Variants in MARVELD2 observed in about 807,000 individuals in gnomAD.
The protein encoded by MARVELD2 is MARVEL domain containing 2.
A neutral mutation model predicts 57.6 loss-of-function variants in MARVELD2; 49 were observed. The observed-to-expected ratio is 0.85, with a 90% CI of 0.68 to 1.08. The LOEUF (loss-of-function observed/expected upper bound fraction) is 1.08. MARVELD2 is among the 50% of genes least tolerant of loss of function. The pLI is 0.00. For missense variants in MARVELD2, 606 were observed against 701.1 expected (o/e 0.86, Z 1.53); for synonymous variants, 238 against 258.8 (o/e 0.92, Z 0.77).
intron 3 of MARVELD2, among the ~76,000 whole-genome samples, chr5:69,431,795 C>T (rs1766970141): frequency 6.6e-6 from 1 of 150,494 alleles, no homozygotes; most frequent in Non-Finnish European, 1.5e-5. Flanking sequence ...CACTTTTCTT[C>T]CTCCTGTCTT....
chr5:69,422,483 G>A (rs1766659815), intron 2 of MARVELD2, among the ~76,000 whole-genome samples: 1 of 152,124 alleles, frequency 6.6e-6, no homozygotes, highest in Non-Finnish European at 1.5e-5. Context: ...GTGCTCCCAG[G>A]CTTATTAGGA....
At chr5:69,433,902 A>G (rs1561300515) in intron 5 of MARVELD2, among the ~76,000 whole-genome samples, 3 of 151,620 alleles carry the variant, frequency 2.0e-5, no homozygotes. Flanking sequence ...ATTATTAAAC[A>G]GTATTTCTTC....
chr5:69,437,099 G>A (rs990636128), intron 5 of MARVELD2, among the ~76,000 whole-genome samples: 1 of 150,960 alleles, frequency 6.6e-6, no homozygotes, highest in Non-Finnish European at 1.5e-5. Flanking sequence ...AGAGACAAGA[G>A]AATTGCTTGA....
At chr5:69,417,682 A>G (rs112114257) in intron 1 of MARVELD2, among the ~76,000 whole-genome samples, 48 of 152,026 alleles carry the variant, frequency 3.2e-4, no homozygotes, top group African/African-American at 1.1e-3. Flanking sequence ...GGTGGCTCAC[A>G]CCTGTAATCC....
chr5:69,432,782 G>C lies in MARVELD2; in HGVS notation c.1331+107G>C, dbSNP rs1767005867. On this transcript the variant is annotated intron_variant, in intron 4 of 6. Coordinates refer to ENST00000325631, the MANE Select transcript of MARVELD2 (RefSeq NM_001038603.3). ...GTTAATACTCTGTGCTTAAAATCGT[G>C]TATGTAAATAGTTGTTATCTGAGAG... 1.4e-5 allele frequency: 22 copies of C among 1,568,174 alleles called. No homozygotes were observed. In the Admixed American group the frequency reaches 3.7e-4, roughly 26 times the overall value.
Position 69,425,185 on chromosome 5 carries a change from A to G in MARVELD2, c.1182+549A>G, listed in dbSNP as rs367983348. Among the ~76,000 whole-genome samples the G allele has an allele frequency of 3.5e-5, 5 of 144,452 alleles. No homozygotes were observed. The East Asian group carries it at 1.0e-3, about 30-fold the overall frequency. 94.8% of individuals were successfully genotyped at this position (144,452 alleles called of 152,430 possible). ...CACATATTCTCACTCATAGGTGGGA[A>G]TTGAACAATGAGATCACATGGACAC... On this transcript the variant is annotated intron_variant, in intron 3 of 6. Coordinates refer to ENST00000325631, the MANE Select transcript of MARVELD2 (RefSeq NM_001038603.3).
chr5:69,432,118 C>G (rs530189162), intron 3 of MARVELD2, among the ~76,000 whole-genome samples: 6 of 152,014 alleles, frequency 3.9e-5, no homozygotes, highest in Non-Finnish European at 8.8e-5. Flanking sequence ...CCAAGTGATT[C>G]TCCTGCCTCA....
rs1400296175 is a variant in MARVELD2 at position 69,435,432 on chromosome 5, T to G, written c.1503+2339T>G. ...GTTTTGCAATCAGCACCACTCAAATTCCACAACAGTTTTATCACCCCAAAA... is the reference window on the plus strand; with the variant it reads ...GTTTTGCAATCAGCACCACTCAAATGCCACAACAGTTTTATCACCCCAAAA... On this transcript the variant is annotated intron_variant, in intron 5 of 6. Transcript: ENST00000325631. Among the ~76,000 whole-genome samples the G allele has an allele frequency of 6.6e-5, 10 of 152,008 alleles. No homozygotes were observed. The East Asian group carries it at 1.7e-3, about 26-fold the overall frequency.
intron 3 of MARVELD2, among the ~76,000 whole-genome samples, chr5:69,429,601 G>A (rs770753687): frequency 1.9e-4 from 29 of 152,102 alleles, no homozygotes; most frequent in Non-Finnish European, 4.1e-4. Context: ...CACTTCTAGT[G>A]TGCTACTAGA....
Position 69,419,825 on chromosome 5 carries a change from G to A in MARVELD2, c.440G>A (p.Arg147Gln), listed in dbSNP as rs143318841. The A allele has an allele frequency of 2.6e-5, 42 of 1,614,134 alleles. 1 individual carries two copies. In the Middle Eastern group the frequency reaches 6.6e-4, roughly 25 times the overall value. ...YGGSEGTFSS[R>Q]KEADAVFPRD... ...GGGTCAGAAGGAACCTTTAGTTCCC[G>A]GAAAGAGGCTGACGCAGTGTTTCCC... Residue 147 changes from arginine (R) to glutamine (Q), a missense_variant, in exon 2 of 7, where the codon CGG becomes CAG. Coordinates refer to ENST00000325631, the MANE Select transcript of MARVELD2 (RefSeq NM_001038603.3).
At chr5:69,425,178 G>A (rs1398187391) in intron 3 of MARVELD2, among the ~76,000 whole-genome samples, 1 of 147,446 alleles carries the variant, frequency 6.8e-6, no homozygotes, top group Non-Finnish European at 1.5e-5. Flanking sequence ...CTCACTCATA[G>A]GTGGGAATTG....
rs886944362 is a variant in MARVELD2, at chr5:69,442,965, A to AC, written c.*1312dup. On this transcript the variant is annotated 3_prime_UTR_variant, in exon 7 of 7. Transcript: ENST00000325631. ...TGCCTCAGCCTCCCGAGTAGCTGGG[A>AC]CTACAGGCACCTGCCACCACGCCCA... The AC allele has an allele frequency of 2.6e-5, 4 of 151,196 alleles. No homozygotes were observed. Among genetic ancestry groups the AC allele is most frequent in the African/African-American group, 9.7e-5 (4 of 41,046 alleles). The allele number at this position is 151,196 out of a possible 1,614,324, so 9.4% of individuals were successfully genotyped here.
At chr5:69,431,830 CTTTTTTTTTTTTT>C (rs904263527) in intron 3 of MARVELD2, among the ~76,000 whole-genome samples, 4 of 97,818 alleles carry the variant, frequency 4.1e-5, no homozygotes, top group Non-Finnish European at 5.8e-5. Context: ...TCTTCTTCTT[CTTTTTTTTTTTTT>C]TTTTTTTTTT....
At chr5:69,433,216 G>A in intron 5 of MARVELD2, 123 bp downstream of exon 5, 1 of 988,062 alleles carries the variant, frequency 1.0e-6, no homozygotes, top group Non-Finnish European at 1.5e-6. Flanking sequence ...AGGCTGGAGT[G>A]CAGTGGCACA....
intron 5 of MARVELD2, among the ~76,000 whole-genome samples, chr5:69,435,706 T>G (rs1410455662): frequency 7.1e-6 from 1 of 141,806 alleles, no homozygotes; most frequent in Non-Finnish European, 1.5e-5. Flanking sequence ...TGGGCCAAGA[T>G]TGCGCCACTG....
chr5:69,422,272 T>C (rs892573442), intron 2 of MARVELD2, among the ~76,000 whole-genome samples: 4 of 152,242 alleles, frequency 2.6e-5, no homozygotes, highest in Admixed American at 1.3e-4. Context: ...TCTGGCTGCC[T>C]GTGAGCTGGG....
chr5:69,429,261 A>G (rs1429737142), intron 3 of MARVELD2, among the ~76,000 whole-genome samples: 2 of 152,100 alleles, frequency 1.3e-5, no homozygotes, highest in Admixed American at 6.6e-5. Context: ...AGGGTGTGCT[A>G]TTTGGTGAGT....
At chr5:69,438,013 G>A (rs1580499788) in intron 5 of MARVELD2, among the ~76,000 whole-genome samples, 2 of 152,186 alleles carry the variant, frequency 1.3e-5, no homozygotes, top group African/African-American at 2.4e-5. Flanking sequence ...ACAAAAGTTA[G>A]CTTCTCCTTG....
chr5:69,432,186 T>C (rs1317766877), intron 3 of MARVELD2, among the ~76,000 whole-genome samples: 1 of 152,176 alleles, frequency 6.6e-6, no homozygotes, highest in Admixed American at 6.6e-5. Context: ...AATTTTTGTA[T>C]TTTTAATAGA....
Sources: allele counts gnomAD v4.1 joint callset (sites outside exome capture counted in the v4.1 genomes callset), GRCh38; gene constraint gnomAD v4.1.1; transcripts MANE v1.5; gene names NCBI Gene and HGNC (gene_info 2026-07-23, HGNC 2026-07-21).